MAP1S: variants seen among roughly 807,000 people sequenced by gnomAD.
MAP1S encodes microtubule associated protein 1S, also known as microtubule-associated protein 1S.
MAP1S carries 27 observed loss-of-function variants against 60.9 expected under a neutral mutation model. The observed-to-expected ratio is 0.44, with a 90% CI of 0.33 to 0.61. The LOEUF (loss-of-function observed/expected upper bound fraction) is 0.61, where lower values mean the gene tolerates loss of function less well. Among genes scored for constraint, MAP1S ranks in the 20% least tolerant of loss-of-function variants. The pLI is 0.03. For missense variants in MAP1S, 1,608 were observed against 1,486.6 expected (o/e 1.08, Z -1.34); for synonymous variants, 826 against 694.2 (o/e 1.19, Z -2.98).
At chr19:17,723,024 C>T (rs972952218) in intron 2 of MAP1S, among the ~76,000 whole-genome samples, 5 of 152,074 alleles carry the variant, frequency 3.3e-5, no homozygotes, top group South Asian at 4.2e-4. Flanking sequence ...GCCCCCACCC[C>T]GGCTCTGGCT....
chr19:17,734,447 C>G lies in MAP1S; in HGVS notation c.*19C>G. The G allele has an allele frequency of 6.3e-7, 1 of 1,595,402 alleles. No homozygotes were observed. The highest frequency in any genetic ancestry group is 8.6e-7 in the Non-Finnish European group (1 of 1,169,432). On this transcript the variant is annotated 3_prime_UTR_variant, in exon 7 of 7. Transcript: ENST00000324096. The stretch of plus-strand genomic sequence containing the variant: ...GTTCTAGCCCCATCGCCGACACGCC[C>G]CCCACTCAGCCCAGCCCGCCTGTCC...
At position 17,733,041 on chromosome 19, in the gene MAP1S, G is replaced by A. The variant is rs2080505346; in HGVS notation, c.2789-152G>A. 4 of 579,372 alleles carry A rather than the reference G, an allele frequency of 6.9e-6. No individual in the cohort carries two copies. In the South Asian group the frequency reaches 8.6e-5, roughly 12 times the overall value. 35.9% of individuals were successfully genotyped at this position (579,372 alleles called of 1,614,324 possible). On this transcript the variant is annotated intron_variant, in intron 5 of 6. Coordinates refer to ENST00000324096, the MANE Select transcript of MAP1S (RefSeq NM_018174.6). ...ATTTCTTAAAATAAGATTCACTGGA[G>A]TCATGAGCGCACCAGGCCTCCCCAG... is the stretch of plus-strand genomic sequence containing the variant.
At position 17,725,744 on chromosome 19, in the gene MAP1S, G is replaced by A; in HGVS notation, c.445-85G>A. On this transcript the variant is annotated intron_variant, in intron 4 of 6. Transcript: ENST00000324096. This position sits in a 1 kb window ranked among gnomAD's most constrained non-coding sequence, Gnocchi z 4.2. ...CTGAGGAGCAGGCCCTGGGGGAAAGGATGAGGGTGTCCTCGCCCAGTTTTC... is the reference window on the plus strand; with the variant it reads ...CTGAGGAGCAGGCCCTGGGGGAAAGAATGAGGGTGTCCTCGCCCAGTTTTC... 7.2e-7 allele frequency: 1 copy of A among 1,381,924 alleles called. No homozygotes were observed. The highest frequency in any genetic ancestry group is 1.3e-5 in the South Asian group (1 of 74,852). 85.6% of individuals were successfully genotyped at this position (1,381,924 alleles called of 1,614,324 possible).
Position 17,727,125 on chromosome 19 carries a change from C to A in MAP1S, c.1741C>A (p.Arg581Ser), listed in dbSNP as rs772289572. The part of the protein sequence containing the change: ...SGFPPVANGP[R>S]SPPSLRCGEA... ...CTTCCCGCCGGTGGCAAATGGACCC[C>A]GCAGCCCGCCCAGCCTCCGATGTGG... Residue 581 changes from arginine to serine, a missense_variant, in exon 5 of 7, where the codon CGC (arginine) becomes AGC (serine). By Grantham distance (110) the Arg-to-Ser change is moderately radical. Around this residue, in one of 4 missense-constraint regions of MAP1S, gnomAD observed 1,167 missense variants for 961.4 expected, o/e 1.21. Coordinates refer to ENST00000324096, the MANE Select transcript of MAP1S (RefSeq NM_018174.6). This position sits in a 1 kb window ranked among gnomAD's most constrained non-coding sequence, Gnocchi z 4.1. 220 of 1,595,106 alleles carry A rather than the reference C, an allele frequency of 1.4e-4. No individual in the cohort carries two copies. Among genetic ancestry groups the A allele is most frequent in the Non-Finnish European group, 1.7e-4 (200 of 1,173,958 alleles).
Position 17,725,470 on chromosome 19 carries a change from A to G in MAP1S, c.444+281A>G, listed in dbSNP as rs1343449753. Among the ~76,000 whole-genome samples the G allele has an allele frequency of 3.3e-5, 5 of 152,198 alleles. No homozygotes were observed. The highest frequency in any genetic ancestry group is 3.3e-4 in the Admixed American group (5 of 15,272). On this transcript the variant is annotated intron_variant, in intron 4 of 6. Coordinates refer to ENST00000324096, the MANE Select transcript of MAP1S (RefSeq NM_018174.6). The surrounding 1 kb of genome is among the most constrained non-coding windows in gnomAD (Gnocchi z 4.2). ...TCCTGGTGCCCGCAGTCTGGGTAGG[A>G]CACATGGGCAAAATGGCAAACCTCA...
chr19:17,720,725 T>G, intron 1 of MAP1S: 2 of 619,512 alleles, frequency 3.2e-6, no homozygotes, highest in Non-Finnish European at 5.7e-6. Context: ...TTGTTGCTGA[T>G]GAATCTTGTG....
At position 17,722,262 on chromosome 19, in the gene MAP1S, G is replaced by T. The variant is rs1279706796; in HGVS notation, c.220+1225G>T. On this transcript the variant is annotated intron_variant, in intron 2 of 6. Coordinates refer to ENST00000324096, the MANE Select transcript of MAP1S (RefSeq NM_018174.6). ...AGGTCAGGAGTTCAAAACCAGCTGG[G>T]GCAACATGGTGAAACCCTGTCCCTA... Among the ~76,000 whole-genome samples the T allele has an allele frequency of 5.3e-5, 8 of 152,118 alleles. No homozygotes were observed. In the South Asian group the frequency reaches 1.4e-3, roughly 28 times the overall value.
At position 17,733,326 on chromosome 19, in the gene MAP1S, C is replaced by T; in HGVS notation, c.2922C>T (p.Leu974=). 1 of 1,608,006 alleles carries T rather than the reference C, an allele frequency of 6.2e-7. No individual in the cohort carries two copies. The highest frequency in any genetic ancestry group is 8.5e-7 in the Non-Finnish European group (1 of 1,178,090). Residue 974 remains leucine, a synonymous_variant, in exon 6 of 7, where the codon CTC becomes CTT. Coordinates refer to ENST00000324096, the MANE Select transcript of MAP1S (RefSeq NM_018174.6). ...AGTTCTTCCAGCGCGTGCGCGCGCT[C>T]TGCTACGTCATCAGTGGCCAGGACC... ...DEEFFQRVRA[L]CYVISGQDQR...
rs375027178 is a variant in MAP1S, at chr19:17,726,053, C to A, written c.669C>A (p.Pro223=). 1.5e-5 allele frequency: 24 copies of A among 1,613,436 alleles called. No individual in the cohort carries two copies. The highest frequency in any genetic ancestry group is 2.0e-5 in the Non-Finnish European group (24 of 1,179,876). ...YVAESLEPPS[P]FELLEPPTSG... The stretch of plus-strand genomic sequence containing the variant: ...CTGAGTCTCTGGAGCCACCGTCCCC[C>A]TTCGAGCTGCTGGAGCCCCCGACCT... The change falls in exon 5 of 7, where the codon CCC becomes CCA. Residue 223 remains proline, a synonymous_variant. Transcript: ENST00000324096.
In MAP1S at chr19:17,723,228, C is replaced by T. The variant is rs191856275; in HGVS notation, c.221-898C>T. On this transcript the variant is annotated intron_variant, in intron 2 of 6. Transcript: ENST00000324096. Reference sequence around the variant, plus strand: ...CACGTTCGCCCTCATTGGCCCTCCTCGAGCTCTGGCTCTCTGTCTGAAAAA... The same window carrying T: ...CACGTTCGCCCTCATTGGCCCTCCTTGAGCTCTGGCTCTCTGTCTGAAAAA... Among the ~76,000 whole-genome samples the T allele has an allele frequency of 4.7e-3, 720 of 152,292 alleles. 6 individuals carry two copies. Among genetic ancestry groups the T allele is most frequent in the Non-Finnish European group, 5.8e-3 (393 of 68,024 alleles).
chr19:17,727,948 A>G lies in MAP1S; in HGVS notation c.2564A>G (p.Gln855Arg). The G allele has an allele frequency of 1.2e-6, 2 of 1,607,402 alleles. No individual in the cohort carries two copies. The highest frequency in any genetic ancestry group is 8.5e-7 in the Non-Finnish European group (1 of 1,176,502). Residue 855 changes from glutamine to arginine, a missense_variant, in exon 5 of 7, where the codon CAA becomes CGA. Physicochemically the swap from Gln to Arg is conservative, Grantham distance 43. Transcript: ENST00000324096. The surrounding 1 kb of genome is among the most constrained non-coding windows in gnomAD (Gnocchi z 4.1). ...PEMLPPKTAR[Q>R]TENVSRTRKP... ...ATGCTGCCCCCCAAGACAGCACGGC[A>G]AACGGAGAACGTCAGCCGCACCCGG...
At chr19:17,720,007 C>T (rs368945541) in intron 1 of MAP1S, 1 of 586,714 alleles carries the variant, frequency 1.7e-6, no homozygotes, top group Non-Finnish European at 2.2e-6. Flanking sequence ...GTCTTAGCAG[C>T]TTAGATAGAG....
chr19:17,727,325 C>T lies in MAP1S; in HGVS notation c.1941C>T (p.Pro647=), dbSNP rs750936697. 1.7e-5 allele frequency: 27 copies of T among 1,591,660 alleles called. No individual in the cohort carries two copies. The African/African-American group carries it at 3.2e-4, about 19-fold the overall frequency. ...RTPSPESHRS[P]AEGSERLSLS... ...CCTCCCCTGAGTCCCACCGGAGCCCCGCAGAGGGCAGCGAGCGGCTGTCGC... is the reference window on the plus strand; with the variant it reads ...CCTCCCCTGAGTCCCACCGGAGCCCTGCAGAGGGCAGCGAGCGGCTGTCGC... Residue 647 remains proline (P), a synonymous_variant, in exon 5 of 7, where the codon CCC becomes CCT. Coordinates refer to ENST00000324096, the MANE Select transcript of MAP1S (RefSeq NM_018174.6). This position sits in a 1 kb window ranked among gnomAD's most constrained non-coding sequence, Gnocchi z 4.1.
rs750292060 is a variant in MAP1S, at chr19:17,727,106, G to A, written c.1722G>A (p.Pro574=). The part of the protein sequence containing the change: ...KAPSTSHSGF[P]PVANGPRSPP... ...CCAGCACGTCCCACTCTGGCTTCCC[G>A]CCGGTGGCAAATGGACCCCGCAGCC... is the stretch of plus-strand genomic sequence containing the variant. The change falls in exon 5 of 7, where the codon CCG becomes CCA. Residue 574 remains proline (P), a synonymous_variant. Transcript: ENST00000324096. The surrounding 1 kb of genome is among the most constrained non-coding windows in gnomAD (Gnocchi z 4.1). 14 of 1,600,634 alleles carry A rather than the reference G, an allele frequency of 8.7e-6. No individual in the cohort carries two copies. The highest frequency in any genetic ancestry group is 1.3e-5 in the African/African-American group (1 of 74,810).
Position 17,728,066 on chromosome 19 carries a change from T to C in MAP1S, c.2682T>C (p.Arg894=). ...CCAAGGGGCTTGCTGGTGGGGACCG[T>C]GCCAGCCGACCACTCAGTGCCCGGA... The part of the protein sequence containing the change: ...AKTKGLAGGD[R]ASRPLSARSE... The change falls in exon 5 of 7, where the codon CGT becomes CGC. Residue 894 remains arginine (R), a synonymous_variant. Transcript: ENST00000324096. 1.2e-6 allele frequency: 2 copies of C among 1,612,566 alleles called. No homozygotes were observed. Among genetic ancestry groups the C allele is most frequent in the South Asian group, 2.2e-5 (2 of 90,990 alleles).
rs1197224870 is a variant in MAP1S at position 17,727,289 on chromosome 19, G to A, written c.1905G>A (p.Arg635=). Residue 635 remains arginine, a synonymous_variant, in exon 5 of 7, where the codon AGG becomes AGA. Transcript: ENST00000324096. The surrounding 1 kb of genome is among the most constrained non-coding windows in gnomAD (Gnocchi z 4.1). ...ELPLAASSIP[R]PRTPSPESHR... ...CTTTGGCCGCCAGCTCAATCCCAAG[G>A]CCACGCACACCCTCCCCTGAGTCCC... is the stretch of plus-strand genomic sequence containing the variant. 2.1e-5 allele frequency: 33 copies of A among 1,588,226 alleles called. No individual in the cohort carries two copies. The highest frequency in any genetic ancestry group is 5.1e-6 in the Non-Finnish European group (6 of 1,172,716).
Position 17,725,364 on chromosome 19 carries a change from C to T in MAP1S, c.444+175C>T, listed in dbSNP as rs979123861. ...TGTCTGGGGTCAGTCCCATTGCCCG[C>T]GAAAGGGTGTGGTGTGAGCTGAGTT... On this transcript the variant is annotated intron_variant, in intron 4 of 6. Transcript: ENST00000324096. The surrounding 1 kb of genome is among the most constrained non-coding windows in gnomAD (Gnocchi z 4.2). 7.2e-5 allele frequency among the ~76,000 whole-genome samples: 11 copies of T among 152,104 alleles called. No homozygotes were observed. The highest frequency in any genetic ancestry group is 6.2e-4 in the South Asian group (3 of 4,834).
intron 2 of MAP1S, among the ~76,000 whole-genome samples, chr19:17,722,541 G>A (rs1180022480): frequency 6.6e-6 from 1 of 152,064 alleles, no homozygotes; most frequent in Non-Finnish European, 1.5e-5. Flanking sequence ...CTGAGGTCAG[G>A]AGTTCGAGAC....
chr19:17,720,184 C>T, intron 1 of MAP1S: 6 of 1,348,642 alleles, frequency 4.4e-6, no homozygotes, highest in Middle Eastern at 2.6e-4. Flanking sequence ...CCAGGTTCAC[C>T]TGCAGCCACT....
Sources: gnomAD v4.1 joint callset for allele counts (sites outside exome capture counted in the v4.1 genomes callset) on GRCh38, gnomAD v4.1.1 for gene constraint, gnomAD v4.1.1 regional missense constraint, Gnocchi (gnomAD v3.1) non-coding constraint, MANE v1.5 for transcripts, NCBI Gene and HGNC (gene_info 2026-07-23, HGNC 2026-07-21) for gene names.